DNTTIP2: variants seen among roughly 807,000 people sequenced by gnomAD.
DNTTIP2 encodes deoxynucleotidyltransferase terminal-interacting protein 2.
Under a neutral mutation model 62.4 loss-of-function variants are expected in DNTTIP2, and 47 were observed. The observed-to-expected ratio is 0.75, with a 90% confidence interval of 0.60 to 0.96. The LOEUF is 0.96. DNTTIP2 is among the 40% of genes least tolerant of loss of function. DNTTIP2 has a pLI of 0.00. For missense variants in DNTTIP2, 870 were observed against 849.1 expected, an observed-to-expected ratio of 1.02 and a Z score of -0.31; for synonymous variants, 322 against 300.9, an observed-to-expected ratio of 1.07 and a Z score of -0.73.
At chr1:93,873,912 C>A (rs1254983207) in intron 3 of DNTTIP2, among the ~76,000 whole-genome samples, 1 of 152,186 alleles carries the variant, frequency 6.6e-6, no homozygotes, top group Non-Finnish European at 1.5e-5. Context: ...GTATTTTTCT[C>A]AGTACAAGAA....
rs1485550850 is a variant in DNTTIP2 at position 93,876,428 on chromosome 1, A to G, written c.1507T>C (p.Phe503Leu). The G allele has an allele frequency of 1.2e-6, 2 of 1,612,968 alleles. No individual in the cohort carries two copies. The highest frequency in any genetic ancestry group is 1.7e-6 in the Non-Finnish European group (2 of 1,179,496). The part of the protein sequence containing the change: ...TTPGMSADKN[F>L]YLEEEDKASE... ...GCCTTGTCTTCCTCTTCCAAGTAAA[A>G]ATTTTTATCAGCACTCATTCCAGGA... The change falls in exon 2 of 7, where the codon TTT (phenylalanine) becomes CTT (leucine). Residue 503 changes from phenylalanine (F) to leucine (L), a missense_variant. Physicochemically the swap from Phe to Leu is conservative, Grantham distance 22 (BLOSUM62 0). Transcript: ENST00000436063.
chr1:93,876,834 A>G lies in DNTTIP2; in HGVS notation c.1101T>C (p.Phe367=). 1.9e-6 allele frequency: 3 copies of G among 1,613,976 alleles called. No individual in the cohort carries two copies. Among genetic ancestry groups the G allele is most frequent in the Non-Finnish European group, 2.5e-6 (3 of 1,179,886 alleles). Residue 367 remains phenylalanine, a synonymous_variant, in exon 2 of 7, where the codon TTT becomes TTC. Transcript: ENST00000436063. Reference sequence around the variant, plus strand: ...TCCATCTGCCTACTTCCACAGTTGCAAATGTTTGAGTTAATGATTTCATTA... The same window carrying G: ...TCCATCTGCCTACTTCCACAGTTGCGAATGTTTGAGTTAATGATTTCATTA... ...EAVMKSLTQT[F]ATVEVGRWNN...
chr1:93,878,758 C>T (rs1327037281), intron 1 of DNTTIP2: 1 of 234,130 alleles, frequency 4.3e-6, no homozygotes, highest in Non-Finnish European at 8.3e-6. Context: ...TGCATGGTGG[C>T]CGAAATTAAC....
At position 93,876,318 on chromosome 1, in the gene DNTTIP2, T is replaced by C. The variant is rs1306413509; in HGVS notation, c.1617A>G (p.Glu539=). 1 of 1,551,832 alleles carries C rather than the reference T, an allele frequency of 6.4e-7. No individual in the cohort carries two copies. Among genetic ancestry groups the C allele is most frequent in the Admixed American group, 2.0e-5 (1 of 50,816 alleles). The change falls in exon 2 of 7, where the codon GAA becomes GAG. Residue 539 remains glutamate (E), a synonymous_variant. Transcript: ENST00000436063. ...AGTCTTCTTCATCACTAAACTCATC[T>C]TCATTTTCGTCATGGTCTGATGAAT... The part of the protein sequence containing the change: ...EEDSSDHDEN[E]DEFSDEEDFL...
At chr1:93,873,311 C>A in intron 3 of DNTTIP2, 97 bp from the exon 4 acceptor site, 1 of 943,814 alleles carries the variant, frequency 1.1e-6, no homozygotes, top group Non-Finnish European at 1.6e-6. Context: ...TTTTAGTCAG[C>A]CTGGCAAAGT....
chr1:93,873,512 G>A (rs1655922533), intron 3 of DNTTIP2: 1 of 239,960 alleles, frequency 4.2e-6, no homozygotes, highest in African/African-American at 2.3e-5. Context: ...TAAGGCAGAA[G>A]GATCACTTGA....
At position 93,879,062 on chromosome 1, in the gene DNTTIP2, G is replaced by C; in HGVS notation, c.72+15C>G. 6.2e-7 allele frequency: 1 copy of C among 1,613,328 alleles called. No individual in the cohort carries two copies. Among genetic ancestry groups the C allele is most frequent in the Non-Finnish European group, 8.5e-7 (1 of 1,179,804 alleles). On this transcript the variant is annotated intron_variant, in intron 1 of 6. Transcript: ENST00000436063. ...CTGCGAAGCGGCGAGAAGTAGGGAAGACTGGATTTCCTACCTTTTGCCCGG... is the reference window on the plus strand; with the variant it reads ...CTGCGAAGCGGCGAGAAGTAGGGAACACTGGATTTCCTACCTTTTGCCCGG...
In DNTTIP2 at chr1:93,870,177, C is replaced by T. The variant is rs112418229; in HGVS notation, c.2178-233G>A. Among the ~76,000 whole-genome samples, 87 of 152,172 alleles carry T rather than the reference C, an allele frequency of 5.7e-4. 1 individual carries two copies. Among genetic ancestry groups the T allele is most frequent in the African/African-American group, 1.5e-3 (64 of 41,530 alleles). On this transcript the variant is annotated intron_variant, in intron 6 of 6. Coordinates refer to ENST00000436063, the MANE Select transcript of DNTTIP2 (RefSeq NM_014597.5). ...TATATCCATATATGATCTATATATGCACTATATCCATCCACCAGGCTGTAT... is the reference window on the plus strand; with the variant it reads ...TATATCCATATATGATCTATATATGTACTATATCCATCCACCAGGCTGTAT...
chr1:93,878,957 G>T (rs1230865247), intron 1 of DNTTIP2, 120 bp downstream of exon 1: 4 of 1,321,440 alleles, frequency 3.0e-6, no homozygotes, highest in South Asian at 2.9e-5. Context: ...CCAAGCGCGC[G>T]GCAAGCTCGG....
chr1:93,871,933 G>C, intron 5 of DNTTIP2, 139 bp downstream of exon 5: 1 of 907,096 alleles, frequency 1.1e-6, no homozygotes, highest in Non-Finnish European at 1.7e-6. Context: ...ATTCTTATAT[G>C]GCCTATGCAG....
intron 5 of DNTTIP2, among the ~76,000 whole-genome samples, chr1:93,871,572 T>C (rs1199009879): frequency 1.3e-5 from 2 of 152,196 alleles, no homozygotes; most frequent in Non-Finnish European, 2.9e-5. Context: ...GTGTTGGAAT[T>C]TGTTGGGCTA....
Position 93,869,838 on chromosome 1 carries a change from T to G in DNTTIP2, c.*13A>C, listed in dbSNP as rs1432357586. On this transcript the variant is annotated 3_prime_UTR_variant, in exon 7 of 7. Transcript: ENST00000436063. ...AGGAGCAATGTAAAATGTTGCAGTTTGCTTGGTAAATCTTAATTGCGAAAT... is the reference window on the plus strand; with the variant it reads ...AGGAGCAATGTAAAATGTTGCAGTTGGCTTGGTAAATCTTAATTGCGAAAT... 2 of 779,284 alleles carry G rather than the reference T, an allele frequency of 2.6e-6. No homozygotes were observed. Among genetic ancestry groups the G allele is most frequent in the Admixed American group, 1.7e-5 (1 of 58,742 alleles). 48.3% of individuals were successfully genotyped at this position (779,284 alleles called of 1,614,324 possible).
intron 5 of DNTTIP2, among the ~76,000 whole-genome samples, chr1:93,871,229 AGTG>A (rs1655853831): frequency 6.6e-6 from 1 of 152,222 alleles, no homozygotes; most frequent in Non-Finnish European, 1.5e-5. Context: ...TAAAATTTAC[AGTG>A]ATCACTATGC....
Position 93,879,183 on chromosome 1 carries a change from T to G in DNTTIP2, c.-35A>C. The stretch of plus-strand genomic sequence containing the variant: ...TCCCTCGCGACCACCACGACTTCCC[T>G]CTTCCCTGGCGCTCCGGAAATGCGT... On this transcript the variant is annotated 5_prime_UTR_variant, in exon 1 of 7. Coordinates refer to ENST00000436063, the MANE Select transcript of DNTTIP2 (RefSeq NM_014597.5). 6.2e-7 allele frequency: 1 copy of G among 1,606,176 alleles called. No individual in the cohort carries two copies.
At position 93,876,644 on chromosome 1, in the gene DNTTIP2, G is replaced by A. The variant is rs751433683; in HGVS notation, c.1291C>T (p.Pro431Ser). ...ECDTKLYTSA[P>S]NTSQGKDNSV... The stretch of plus-strand genomic sequence containing the variant: ...TTATCTTTACCCTGAGATGTGTTGG[G>A]CGCAGACGTGTATAGTTTGGTATCA... Residue 431 changes from proline (P) to serine (S), a missense_variant, in exon 2 of 7, where the codon CCC becomes TCC. Physicochemically the swap from Pro to Ser is moderately conservative, Grantham distance 74. Transcript: ENST00000436063. 2.4e-5 allele frequency: 39 copies of A among 1,613,984 alleles called. No individual in the cohort carries two copies. Among genetic ancestry groups the A allele is most frequent in the South Asian group, 1.2e-4 (11 of 91,078 alleles).
chr1:93,875,933 G>GAA (rs201397149), intron 2 of DNTTIP2, 150 bp from the exon 3 acceptor site: 4 of 779,668 alleles, frequency 5.1e-6, no homozygotes, highest in Non-Finnish European at 7.9e-6. Context: ...AGGAATTCCT[G>GAA]AAAAAAAACT....
At position 93,876,608 on chromosome 1, in the gene DNTTIP2, G is replaced by T. The variant is rs886519455; in HGVS notation, c.1327C>A (p.Leu443Ile). 3 of 1,613,854 alleles carry T rather than the reference G, an allele frequency of 1.9e-6. No homozygotes were observed. Among genetic ancestry groups the T allele is most frequent in the Admixed American group, 1.7e-5 (1 of 60,010 alleles). ...TGGCTTTCATCACTGCTGAGAACTA[G>T]TAAGACAGAATTATCTTTACCCTGA... is the stretch of plus-strand genomic sequence containing the variant. ...TSQGKDNSVL[L>I]VLSSDESQQS... is the part of the protein sequence containing the mutation. Residue 443 changes from leucine to isoleucine, a missense_variant, in exon 2 of 7, where the codon CTA becomes ATA. Physicochemically the swap from Leu to Ile is conservative, Grantham distance 5 (BLOSUM62 2). Coordinates refer to ENST00000436063, the MANE Select transcript of DNTTIP2 (RefSeq NM_014597.5).
chr1:93,876,683 C>T lies in DNTTIP2; in HGVS notation c.1252G>A (p.Val418Ile). 6.2e-7 allele frequency: 1 copy of T among 1,614,046 alleles called. No homozygotes were observed. The change falls in exon 2 of 7, where the codon GTA (valine) becomes ATA (isoleucine). Residue 418 changes from valine to isoleucine, a missense_variant. Transcript: ENST00000436063. Reference protein sequence around the residue: ...VSEDMNSEGNVDFECDTKLYT... With the variant: ...VSEDMNSEGNIDFECDTKLYT... ...AGTTTGGTATCACATTCAAAATCTA[C>T]ATTCCCTTCACTGTTCATGTCTTCA...
intron 1 of DNTTIP2, 165 bp downstream of exon 1, chr1:93,878,912 T>C (rs969872887): frequency 2.9e-5 from 25 of 855,326 alleles, no homozygotes; most frequent in Middle Eastern, 3.3e-4. Flanking sequence ...GGCTAAACAG[T>C]TTCCGTGACA....
Sources: allele counts gnomAD v4.1 joint callset (sites outside exome capture counted in the v4.1 genomes callset), GRCh38; gene constraint gnomAD v4.1.1; transcripts MANE v1.5; gene names NCBI Gene and HGNC (gene_info 2026-07-23, HGNC 2026-07-21).